SLC45A4: variants seen among roughly 807,000 people sequenced by gnomAD.
SLC45A4 encodes polyamine-transporter SLC45A4.
A neutral mutation model predicts 63.7 loss-of-function variants in SLC45A4; 32 were observed. The ratio of observed to expected loss-of-function variants is 0.50; its 90% CI spans 0.38 to 0.67. The LOEUF is 0.67. Ranked by LOEUF, SLC45A4 falls within the 30% of genes least tolerant of loss-of-function variation. The pLI is 0.00. For missense variants in SLC45A4, 1,027 were observed against 1,157.7 expected (o/e 0.89, Z 1.64); for synonymous variants, 535 against 510.0 (o/e 1.05, Z -0.66).
intron 1 of SLC45A4, among the ~76,000 whole-genome samples, chr8:141,270,710 C>CA (rs971031895): frequency 1.3e-5 from 2 of 152,138 alleles, no homozygotes; most frequent in Non-Finnish European, 2.9e-5. Context: ...CCCAGACCTC[C>CA]AGGAGGCCTG....
intron 6 of SLC45A4, among the ~76,000 whole-genome samples, chr8:141,216,187 A>G (rs1055980467): frequency 6.6e-6 from 1 of 152,058 alleles, no homozygotes; most frequent in African/African-American, 2.4e-5. Flanking sequence ...AGCACCACAG[A>G]CAGAAATTGG....
At chr8:141,288,816 G>A (rs1830248059) in intron 1 of SLC45A4, among the ~76,000 whole-genome samples, 1 of 152,260 alleles carries the variant, frequency 6.6e-6, no homozygotes, top group African/African-American at 2.4e-5. Flanking sequence ...AAGATGACAG[G>A]AAGACGAGGG....
chr8:141,254,503 T>G lies in SLC45A4; in HGVS notation c.-274A>C. 1.5e-6 allele frequency: 1 copy of G among 689,186 alleles called. No homozygotes were observed. Among genetic ancestry groups the G allele is most frequent in the South Asian group, 1.5e-5 (1 of 66,454 alleles). 42.7% of individuals were successfully genotyped at this position (689,186 alleles called of 1,614,324 possible). ...TAGAGTTAAAAATCCATAATTGCCATTCAGTTAATACCAGTTTCATCATTA... is the reference window on the plus strand; with the variant it reads ...TAGAGTTAAAAATCCATAATTGCCAGTCAGTTAATACCAGTTTCATCATTA... On this transcript the variant is annotated 5_prime_UTR_variant, in exon 2 of 9. The change abolishes an upstream ATG in the 5' untranslated region. Transcript: ENST00000517878. This position sits in a 1 kb window ranked among gnomAD's most constrained non-coding sequence, Gnocchi z 4.5.
chr8:141,270,691 G>A (rs763286887), intron 1 of SLC45A4, among the ~76,000 whole-genome samples: 2 of 152,044 alleles, frequency 1.3e-5, no homozygotes, highest in African/African-American at 2.4e-5. Flanking sequence ...CGTGACCCTC[G>A]CAGACTCGCC....
intron 1 of SLC45A4, among the ~76,000 whole-genome samples, chr8:141,267,134 C>A (rs980999338): frequency 3.9e-5 from 6 of 152,264 alleles, no homozygotes; most frequent in Non-Finnish European, 5.9e-5. Context: ...ATAGCAAGTG[C>A]TGCATTCACC....
At chr8:141,219,512 C>T (rs1826445932) in intron 4 of SLC45A4, 138 bp downstream of exon 4, 1 of 1,121,268 alleles carries the variant, frequency 8.9e-7, no homozygotes, top group Non-Finnish European at 1.2e-6. Context: ...ACCTTCCAGC[C>T]CTAAGACCCT....
chr8:141,285,141 G>A (rs569738785), intron 1 of SLC45A4, among the ~76,000 whole-genome samples: 11 of 152,326 alleles, frequency 7.2e-5, no homozygotes, highest in African/African-American at 1.2e-4. Context: ...GATCCAGCAC[G>A]GACTGAGGGC....
intron 1 of SLC45A4, among the ~76,000 whole-genome samples, chr8:141,294,793 G>A (rs929557843): frequency 1.3e-5 from 2 of 152,316 alleles, no homozygotes; most frequent in Admixed American, 1.3e-4. Flanking sequence ...CCCTGGGAGG[G>A]AGGCACCCTG....
intron 2 of SLC45A4, among the ~76,000 whole-genome samples, chr8:141,235,547 G>A (rs11167039): frequency 0.85 from 129,958 of 152,140 alleles, 56,047 homozygotes; most frequent in East Asian, 1. Context: ...TCCGAAGAAA[G>A]CACAAAGCCA....
At chr8:141,242,665 G>T (rs879361353) in intron 2 of SLC45A4, among the ~76,000 whole-genome samples, 1 of 152,152 alleles carries the variant, frequency 6.6e-6, no homozygotes, top group East Asian at 1.9e-4. Context: ...TGGACAAGTC[G>T]CTGAGTCAAA....
chr8:141,240,990 C>T (rs1010489129), intron 2 of SLC45A4, among the ~76,000 whole-genome samples: 71 of 152,218 alleles, frequency 4.7e-4, no homozygotes, highest in African/African-American at 1.5e-3. Context: ...TGACTAACAT[C>T]GGGGCCACTT....
intron 2 of SLC45A4, among the ~76,000 whole-genome samples, chr8:141,222,214 G>A (rs1826687720): frequency 6.6e-6 from 1 of 152,256 alleles, no homozygotes; most frequent in Non-Finnish European, 1.5e-5. Context: ...GTCTACAAGA[G>A]CAGGACGGTG....
chr8:141,211,545 C>T lies in SLC45A4; in HGVS notation c.*27G>A. ...CCCTGGGCACAATGTGTCCAACTCG[C>T]TGAGGAAAAGAAGATACGTCATTCT... On this transcript the variant is annotated 3_prime_UTR_variant, in exon 9 of 9. Transcript: ENST00000517878. 1 of 1,613,170 alleles carries T rather than the reference C, an allele frequency of 6.2e-7. No homozygotes were observed. Among genetic ancestry groups the T allele is most frequent in the Non-Finnish European group, 8.5e-7 (1 of 1,179,882 alleles).
At chr8:141,241,340 A>G (rs555120565) in intron 2 of SLC45A4, among the ~76,000 whole-genome samples, 5 of 152,320 alleles carry the variant, frequency 3.3e-5, no homozygotes, top group African/African-American at 9.6e-5. Flanking sequence ...CTCTGGGGAC[A>G]GTGGCGAGGT....
intron 8 of SLC45A4, 52 bp downstream of exon 8, chr8:141,212,124 GGCCTGGCCCCGCCGCCCGCCC>G: frequency 7.0e-7 from 1 of 1,423,348 alleles, no homozygotes; most frequent in Non-Finnish European, 9.2e-7. Flanking sequence ...TCCCGCCCAT[GGCCTGGCCCCGCCGCCCGCCC>G]GCCCGCCCAC....
Position 141,256,475 on chromosome 8 carries a change from C to T in SLC45A4, c.-400-1846G>A, listed in dbSNP as rs973704211. 2.4e-5 allele frequency: 11 copies of T among 450,672 alleles called. No homozygotes were observed. Among genetic ancestry groups the T allele is most frequent in the African/African-American group, 1.0e-4 (5 of 49,860 alleles). 27.9% of individuals were successfully genotyped at this position (450,672 alleles called of 1,614,324 possible). A position where few individuals can be genotyped will look rare whatever the true frequency, so the allele number is the denominator to read the frequency against. ...GAAACCTCGAGGTGCTGTCTTCACT[C>T]GGCTCCTCTCTCACACAGCCCTGAT... On this transcript the variant is annotated intron_variant, in intron 1 of 8. Coordinates refer to ENST00000517878, the MANE Select transcript of SLC45A4 (RefSeq NM_001286646.2). The surrounding 1 kb of genome is among the most constrained non-coding windows in gnomAD (Gnocchi z 4.3).
chr8:141,242,538 G>A (rs1395288777), intron 2 of SLC45A4, among the ~76,000 whole-genome samples: 3 of 152,212 alleles, frequency 2.0e-5, no homozygotes, highest in Non-Finnish European at 4.4e-5. Context: ...GGGCGAGACA[G>A]TGCTGGGAAA....
At chr8:141,282,244 G>T (rs1829980601) in intron 1 of SLC45A4, among the ~76,000 whole-genome samples, 1 of 152,216 alleles carries the variant, frequency 6.6e-6, no homozygotes, top group Non-Finnish European at 1.5e-5. Flanking sequence ...GGGGCCCTCA[G>T]CAAAGAGGAC....
intron 1 of SLC45A4, among the ~76,000 whole-genome samples, chr8:141,261,567 T>C (rs2154614796): frequency 6.6e-6 from 1 of 152,288 alleles, no homozygotes; most frequent in South Asian, 2.1e-4. Flanking sequence ...CAAGCATTCT[T>C]ATACACCAAT....
Sources: allele counts gnomAD v4.1 joint callset (sites outside exome capture counted in the v4.1 genomes callset), GRCh38; gene constraint gnomAD v4.1.1; non-coding constraint Gnocchi (gnomAD v3.1); transcripts MANE v1.5; gene names NCBI Gene and HGNC (gene_info 2026-07-23, HGNC 2026-07-21).